The following CSMD1 variants were observed in gnomAD, a reference collection of about 807,000 sequenced individuals.
CSMD1 encodes the protein CUB and Sushi multiple domains 1, also known as CUB and sushi domain-containing protein 1.
Under a neutral mutation model 417.5 loss-of-function variants are expected in CSMD1, and 213 were observed. That is an observed-to-expected ratio of 0.51 (90% CI 0.46 to 0.57). The LOEUF (loss-of-function observed/expected upper bound fraction) is 0.57. CSMD1 is among the 20% of genes least tolerant of loss of function. The pLI is 0.00. For synonymous variants in CSMD1, 2,862 were observed against 1,736.8 expected (o/e 1.65, Z -16.11); for missense variants, 6,923 against 4,529.7 (o/e 1.53, Z -15.17).
At chr8:4,733,442 T>A (rs1038664419) in intron 1 of CSMD1, among the ~76,000 whole-genome samples, 8 of 152,158 alleles carry the variant, frequency 5.3e-5, no homozygotes, top group Non-Finnish European at 1.2e-4. Flanking sequence ...GGAAGGTAGG[T>A]GTCGGAGAAG....
At chr8:3,320,683 A>G (rs190392865) in intron 23 of CSMD1, among the ~76,000 whole-genome samples, 135 of 152,222 alleles carry the variant, frequency 8.9e-4, no homozygotes, top group African/African-American at 3.0e-3. Flanking sequence ...CTCCTTTTCC[A>G]TATCTCATTC....
intron 3 of CSMD1, among the ~76,000 whole-genome samples, chr8:4,248,282 T>C (rs372087290): frequency 6.6e-6 from 1 of 152,158 alleles, no homozygotes; most frequent in Non-Finnish European, 1.5e-5. Context: ...CCACTATTCT[T>C]TATACAAACA....
chr8:4,370,850 AT>A (rs771386278), intron 3 of CSMD1, among the ~76,000 whole-genome samples: 26 of 152,020 alleles, frequency 1.7e-4, no homozygotes, highest in Admixed American at 3.3e-4. Context: ...TTTTCCTTGG[AT>A]TCTGTTTCAA....
At chr8:3,729,790 A>G (rs1802715525) in intron 6 of CSMD1, among the ~76,000 whole-genome samples, 1 of 152,050 alleles carries the variant, frequency 6.6e-6, no homozygotes, top group Admixed American at 6.6e-5. Context: ...AGATATCCTG[A>G]TGACCATGAT....
intron 7 of CSMD1, among the ~76,000 whole-genome samples, chr8:3,653,399 C>A (rs142219565): frequency 0.012 from 1,846 of 152,156 alleles, 50 homozygotes; most frequent in African/African-American, 0.043. Context: ...ACCTCCGCCT[C>A]CTGGATTCAA....
intron 5 of CSMD1, among the ~76,000 whole-genome samples, chr8:3,837,560 A>G (rs1334989834): frequency 6.6e-6 from 1 of 152,186 alleles, no homozygotes; most frequent in African/African-American, 2.4e-5. Context: ...AACATTACCA[A>G]TAATGATACT....
chr8:3,867,971 C>G (rs978142736), intron 5 of CSMD1, among the ~76,000 whole-genome samples: 1 of 152,144 alleles, frequency 6.6e-6, no homozygotes, highest in Non-Finnish European at 1.5e-5. Context: ...GTTTATGTCA[C>G]TGTGGGAGAC....
intron 2 of CSMD1, among the ~76,000 whole-genome samples, chr8:4,521,864 C>G (rs982801191): frequency 3.3e-5 from 5 of 152,212 alleles, no homozygotes; most frequent in Admixed American, 2.0e-4. Context: ...AGCGCTTTAG[C>G]TCCTGGGAAA....
At chr8:3,676,913 A>G (rs1279349953) in intron 7 of CSMD1, among the ~76,000 whole-genome samples, 2 of 152,118 alleles carry the variant, frequency 1.3e-5, no homozygotes, top group African/African-American at 4.8e-5. Context: ...ACAGAAAACC[A>G]AACACCACAT....
chr8:4,346,435 T>C (rs759015386), intron 3 of CSMD1, among the ~76,000 whole-genome samples: 1 of 152,124 alleles, frequency 6.6e-6, no homozygotes, highest in South Asian at 2.1e-4. Context: ...ACACAGTATC[T>C]GGCCCTTTAA....
At chr8:3,550,364 G>A (rs1270003050) in intron 10 of CSMD1, among the ~76,000 whole-genome samples, 2 of 152,070 alleles carry the variant, frequency 1.3e-5, no homozygotes, top group African/African-American at 4.8e-5. Context: ...CCTTGACCCC[G>A]CCTGGACCAA....
chr8:4,451,999 T>TAA (rs1799175816), intron 2 of CSMD1, among the ~76,000 whole-genome samples: 1 of 150,260 alleles, frequency 6.7e-6, no homozygotes, highest in African/African-American at 2.4e-5. Flanking sequence ...GATATATATA[T>TAA]AATGAAATAT....
intron 23 of CSMD1, among the ~76,000 whole-genome samples, chr8:3,308,737 T>A (rs987924666): frequency 6.9e-6 from 1 of 145,532 alleles, no homozygotes; most frequent in African/African-American, 2.5e-5. Flanking sequence ...TACAAGTTTT[T>A]TTTTTTTTTT....
At chr8:2,999,526 A>C (rs1188398468) in intron 53 of CSMD1, among the ~76,000 whole-genome samples, 1 of 152,142 alleles carries the variant, frequency 6.6e-6, no homozygotes, top group African/African-American at 2.4e-5. Context: ...CAATGACAAA[A>C]ATGTATGCAA....
intron 3 of CSMD1, among the ~76,000 whole-genome samples, chr8:4,274,755 A>C (rs1298533141): frequency 1.3e-5 from 2 of 152,164 alleles, no homozygotes; most frequent in African/African-American, 4.8e-5. Context: ...TGTGATCAGG[A>C]GATACGGGAT....
At chr8:4,903,158 T>G (rs1805006970) in intron 1 of CSMD1, among the ~76,000 whole-genome samples, 1 of 152,130 alleles carries the variant, frequency 6.6e-6, no homozygotes, top group African/African-American at 2.4e-5. Context: ...CTTGAACAGT[T>G]TGTAATGCAA....
chr8:4,432,172 ATT>A (rs1797908207), intron 2 of CSMD1, among the ~76,000 whole-genome samples: 1 of 152,220 alleles, frequency 6.6e-6, no homozygotes, highest in Admixed American at 6.5e-5. Flanking sequence ...ATGATTGGCA[ATT>A]ATATTGCGAA....
At chr8:4,342,866 C>A (rs1800559839) in intron 3 of CSMD1, among the ~76,000 whole-genome samples, 1 of 151,976 alleles carries the variant, frequency 6.6e-6, no homozygotes, top group African/African-American at 2.4e-5. Context: ...CACCAAAGGC[C>A]ACCCATGTGA....
chr8:4,316,194 A>G (rs1798919526), intron 3 of CSMD1, among the ~76,000 whole-genome samples: 2 of 152,336 alleles, frequency 1.3e-5, no homozygotes, highest in African/African-American at 4.8e-5. Context: ...TCAAGAGAGC[A>G]GGACCCCATA....
Sources: gnomAD v4.1 joint callset for allele counts (sites outside exome capture counted in the v4.1 genomes callset) on GRCh38, gnomAD v4.1.1 for gene constraint, MANE v1.5 for transcripts, NCBI Gene and HGNC (gene_info 2026-07-23, HGNC 2026-07-21) for gene names.